Variants in CNTNAP2 observed in about 807,000 individuals in gnomAD.
The protein encoded by CNTNAP2 is contactin-associated protein-like 2.
Under a neutral mutation model 155.2 loss-of-function variants are expected in CNTNAP2, and 98 were observed. The ratio of observed to expected loss-of-function variants is 0.63; its 90% CI spans 0.54 to 0.75. The LOEUF is 0.75. Among genes scored for constraint, CNTNAP2 ranks in the 30% least tolerant of loss-of-function variants. CNTNAP2 has a pLI of 0.00. For missense variants in CNTNAP2, 1,727 were observed against 1,688.1 expected, an observed-to-expected ratio of 1.02 and a Z score of -0.40; for synonymous variants, 651 against 631.2, an observed-to-expected ratio of 1.03 and a Z score of -0.47.
intron 1 of CNTNAP2, among the ~76,000 whole-genome samples, chr7:146,356,094 C>T (rs551553153): frequency 3.4e-4 from 49 of 145,720 alleles, no homozygotes; most frequent in South Asian, 1.9e-3. Context: ...CACACACACA[C>T]GGGAGTTTAC....
chr7:146,948,531 C>A (rs1367037072), intron 3 of CNTNAP2, among the ~76,000 whole-genome samples: 1 of 151,970 alleles, frequency 6.6e-6, no homozygotes, highest in African/African-American at 2.4e-5. Flanking sequence ...TCATTTAGGG[C>A]CTAATCAGGA....
chr7:147,607,185 AG>A (rs1398226036), intron 12 of CNTNAP2, among the ~76,000 whole-genome samples: 1 of 151,810 alleles, frequency 6.6e-6, no homozygotes. Context: ...AAATACTTCC[AG>A]GGACTGATTA....
intron 8 of CNTNAP2, among the ~76,000 whole-genome samples, chr7:147,288,237 A>T (rs1805226368): frequency 2.0e-5 from 3 of 152,154 alleles, no homozygotes; most frequent in Admixed American, 6.6e-5. Context: ...TATAGCAGTT[A>T]TCACTGTCTG....
chr7:148,010,973 C>T (rs992174297), intron 15 of CNTNAP2, among the ~76,000 whole-genome samples: 1 of 152,112 alleles, frequency 6.6e-6, no homozygotes, highest in Non-Finnish European at 1.5e-5. Flanking sequence ...AAATTTCTAA[C>T]TAAAATTCAT....
chr7:147,371,785 C>T (rs1246313573), intron 9 of CNTNAP2, among the ~76,000 whole-genome samples: 3 of 152,130 alleles, frequency 2.0e-5, no homozygotes, highest in Non-Finnish European at 2.9e-5. Context: ...ACTATGTATA[C>T]ATGTCCTATG....
intron 13 of CNTNAP2, among the ~76,000 whole-genome samples, chr7:147,836,816 T>C (rs571061222): frequency 6.6e-6 from 1 of 152,340 alleles, no homozygotes; most frequent in South Asian, 2.1e-4. Context: ...TTATTCAAAC[T>C]TATAGCTGTT....
intron 13 of CNTNAP2, chr7:147,897,219 T>C (rs1449487099): frequency 1.3e-5 from 2 of 152,210 alleles, no homozygotes; most frequent in Non-Finnish European, 2.9e-5. Context: ...CACACAGCTC[T>C]CTGATTCATG....
rs946681263 is a variant in CNTNAP2, at chr7:147,182,885, T to C, written c.1348+50376T>C. ...AAAATAATTTAATCATCTTCATACT[T>C]ATTAGAAATACTTATATTATTCAGT... On this transcript the variant is annotated intron_variant, in intron 8 of 23. Transcript: ENST00000361727. Among the ~76,000 whole-genome samples, 49 of 152,290 alleles carry C rather than the reference T, an allele frequency of 3.2e-4. 1 individual carries two copies. The highest frequency in any genetic ancestry group is 2.6e-3 in the Admixed American group (40 of 15,290).
At chr7:147,914,299 G>A (rs934126357) in intron 14 of CNTNAP2, among the ~76,000 whole-genome samples, 4 of 152,018 alleles carry the variant, frequency 2.6e-5, no homozygotes, top group Non-Finnish European at 4.4e-5. Flanking sequence ...CCAGCATTTT[G>A]GGAGGCCAAG....
intron 1 of CNTNAP2, among the ~76,000 whole-genome samples, chr7:146,140,760 C>T (rs1017511093): frequency 3.3e-5 from 5 of 152,004 alleles, no homozygotes; most frequent in African/African-American, 9.7e-5. Flanking sequence ...GAAAAAGAAT[C>T]AGTGATTTTT....
chr7:147,255,698 A>C (rs1205967766), intron 8 of CNTNAP2, among the ~76,000 whole-genome samples: 1 of 152,196 alleles, frequency 6.6e-6, no homozygotes, highest in Non-Finnish European at 1.5e-5. Flanking sequence ...GTTTTTATAT[A>C]AATAATAGGT....
intron 3 of CNTNAP2, among the ~76,000 whole-genome samples, chr7:146,947,410 CTATATA>C (rs35859103): frequency 1.6e-3 from 198 of 122,658 alleles, no homozygotes; most frequent in African/African-American, 5.8e-3. Context: ...CTCTCTCTCT[CTATATA>C]TATATATATA....
intron 1 of CNTNAP2, among the ~76,000 whole-genome samples, chr7:146,395,813 A>ATAGT (rs1164123978): frequency 7.1e-6 from 1 of 141,262 alleles, no homozygotes; most frequent in Non-Finnish European, 1.5e-5. Context: ...AGATAGATAG[A>ATAGT]TAGATAGATA....
intron 9 of CNTNAP2, among the ~76,000 whole-genome samples, chr7:147,330,078 A>T (rs182736794): frequency 6.6e-6 from 1 of 152,306 alleles, no homozygotes; most frequent in East Asian, 1.9e-4. Flanking sequence ...CGAAACCCCT[A>T]GAAAGCCTCA....
chr7:146,303,953 A>G (rs1279495209), intron 1 of CNTNAP2, among the ~76,000 whole-genome samples: 2 of 151,916 alleles, frequency 1.3e-5, no homozygotes, highest in East Asian at 1.9e-4. Context: ...GGGTGCTCCT[A>G]TATTGGGTGC....
At chr7:146,560,107 G>A (rs575993772) in intron 1 of CNTNAP2, among the ~76,000 whole-genome samples, 4 of 152,108 alleles carry the variant, frequency 2.6e-5, no homozygotes, top group Admixed American at 6.5e-5. Context: ...CCAGAATTTG[G>A]TTATTATATT....
At chr7:146,395,649 A>G (rs888630645) in intron 1 of CNTNAP2, among the ~76,000 whole-genome samples, 1 of 152,160 alleles carries the variant, frequency 6.6e-6, no homozygotes, top group Non-Finnish European at 1.5e-5. Context: ...GCCAGTAAAT[A>G]CCAAGACAGT....
intron 8 of CNTNAP2, among the ~76,000 whole-genome samples, chr7:147,255,025 T>C (rs1804290428): frequency 6.6e-6 from 1 of 152,170 alleles, no homozygotes; most frequent in South Asian, 2.1e-4. Context: ...AACTTAGATA[T>C]AAAATTATGA....
At chr7:147,434,735 T>C (rs182634547) in intron 10 of CNTNAP2, among the ~76,000 whole-genome samples, 177 of 152,358 alleles carry the variant, frequency 1.2e-3, no homozygotes, top group Non-Finnish European at 2.0e-3. Flanking sequence ...TCTGTAGCTT[T>C]AGTTGTACAT....
Sources: gnomAD v4.1 joint callset for allele counts (sites outside exome capture counted in the v4.1 genomes callset) on GRCh38, gnomAD v4.1.1 for gene constraint, MANE v1.5 for transcripts, NCBI Gene and HGNC (gene_info 2026-07-23, HGNC 2026-07-21) for gene names.